Variants in NTN1 observed in about 807,000 individuals in gnomAD.
The protein encoded by NTN1 is netrin-1.
Under a neutral mutation model 54.2 loss-of-function variants are expected in NTN1, and 11 were observed. The ratio of observed to expected loss-of-function variants is 0.20; its 90% confidence interval spans 0.13 to 0.34. NTN1 has a LOEUF of 0.34. Ranked by LOEUF, NTN1 falls within the 10% of genes least tolerant of loss-of-function variation. The pLI, the probability that NTN1 is intolerant of heterozygous loss-of-function variation, is 1.00. For synonymous variants in NTN1, 371 were observed against 382.0 expected (o/e 0.97, Z 0.33); for missense variants, 740 against 893.1 (o/e 0.83, Z 2.18).
rs1175654021 is a variant in NTN1 at position 9,180,022 on chromosome 17, G to T, written c.1357+66G>T. The T allele has an allele frequency of 1.5e-5, 23 of 1,533,210 alleles. No homozygotes were observed. The Admixed American group carries it at 4.2e-4, about 28-fold the overall frequency. The allele number at this position is 1,533,210 out of a possible 1,614,324, so 95.0% of individuals were successfully genotyped here. A position where few individuals can be genotyped will look rare whatever the true frequency, so the allele number is the denominator to read the frequency against. On this transcript the variant is annotated intron_variant, in intron 4 of 6. Transcript: ENST00000173229. ...TGGGGGACAGTGAGCTTTTGAGGAT[G>T]CTAGTCACTGATGTTCAGTGGGTTC...
chr17:9,165,131 G>A lies in NTN1; in HGVS notation c.1207+2130G>A, dbSNP rs9899630. Among the ~76,000 whole-genome samples, 32,917 of 152,148 alleles carry A rather than the reference G, an allele frequency of 0.22. 3,817 individuals carry two copies. Among genetic ancestry groups the A allele is most frequent in the East Asian group, 0.34 (1,752 of 5,162 alleles). ...CACTCAGGTGGGCAGTCCTGTGCCT[G>A]AGAGTGAGAAGGTCTGGGTGAGAAA... On this transcript the variant is annotated intron_variant, in intron 3 of 6. Coordinates refer to ENST00000173229, the MANE Select transcript of NTN1 (RefSeq NM_004822.3). The surrounding 1 kb of genome is among the most constrained non-coding windows in gnomAD (Gnocchi z 4.5).
chr17:9,012,380 G>A, the NTN1 span, among the ~76,000 whole-genome samples: 4 of 152,026 alleles, frequency 2.6e-5, no homozygotes, highest in African/African-American at 4.8e-5. Flanking sequence ...GCGTGGTGGC[G>A]GATGCCTGTA....
intron 6 of NTN1, among the ~76,000 whole-genome samples, chr17:9,227,388 C>CACTT (rs10624631): frequency 0.8 from 119,629 of 150,000 alleles, 47,723 homozygotes; most frequent in African/African-American, 0.85. Flanking sequence ...ACACCACACA[C>CACTT]TATCACACAG....
At chr17:9,125,985 C>T (rs769970054) in intron 2 of NTN1, among the ~76,000 whole-genome samples, 1 of 152,234 alleles carries the variant, frequency 6.6e-6, no homozygotes, top group Non-Finnish European at 1.5e-5. Flanking sequence ...GCCTGAGGGA[C>T]TTGTCAAAGG....
intron 3 of NTN1, chr17:9,175,078 C>T (rs1195927951): frequency 2.0e-5 from 3 of 152,256 alleles, no homozygotes; most frequent in African/African-American, 7.2e-5. Context: ...GGATAGGAGC[C>T]CAGGACAGAC....
chr17:9,163,976 A>G (rs939212403), intron 3 of NTN1, among the ~76,000 whole-genome samples: 2 of 152,236 alleles, frequency 1.3e-5, no homozygotes, highest in Non-Finnish European at 2.9e-5. Flanking sequence ...ACCCGAACAC[A>G]CCAGGGTCCC....
chr17:9,065,050 C>T (rs2092010678), intron 2 of NTN1, among the ~76,000 whole-genome samples: 1 of 152,218 alleles, frequency 6.6e-6, no homozygotes, highest in South Asian at 2.1e-4. Context: ...AATTCTCCTG[C>T]CTCAGCCTCC....
chr17:9,104,949 C>T (rs568082021), intron 2 of NTN1, among the ~76,000 whole-genome samples: 5 of 152,296 alleles, frequency 3.3e-5, no homozygotes, highest in African/African-American at 1.2e-4. Flanking sequence ...TGTACCAGGC[C>T]GAGGCCCCTG....
chr17:9,155,216 C>T (rs1013888343), intron 2 of NTN1, among the ~76,000 whole-genome samples: 2 of 152,208 alleles, frequency 1.3e-5, no homozygotes, highest in African/African-American at 2.4e-5. Context: ...CCAGGAAGGA[C>T]CCTGGGACAG....
intron 3 of NTN1, among the ~76,000 whole-genome samples, chr17:9,164,230 G>C (rs1373128742): frequency 1.3e-5 from 2 of 152,230 alleles, no homozygotes; most frequent in African/African-American, 4.8e-5. Context: ...TTCAAGACCA[G>C]CCTGCCTAAC....
chr17:9,209,367 T>C (rs1306082687), intron 5 of NTN1, among the ~76,000 whole-genome samples: 4 of 152,142 alleles, frequency 2.6e-5, no homozygotes, highest in African/African-American at 4.8e-5. Context: ...ATTGGAGACA[T>C]TAGGGTTTGC....
rs1597556574 is a variant in NTN1, at chr17:9,239,442, G to A, written c.1487-198G>A. Among the ~76,000 whole-genome samples the A allele has an allele frequency of 6.6e-6, 1 of 152,186 alleles. No individual in the cohort carries two copies. Among genetic ancestry groups the A allele is most frequent in the African/African-American group, 2.4e-5 (1 of 41,444 alleles). ...GCTGGGTGGCACCCTCACAGCGTGG[G>A]AGGCAAGGCTTCTTGGCCCTGTTGT... On this transcript the variant is annotated intron_variant, in intron 6 of 6. Transcript: ENST00000173229. This position sits in a 1 kb window ranked among gnomAD's most constrained non-coding sequence, Gnocchi z 5.2.
At chr17:9,120,002 C>T (rs1045832838) in intron 2 of NTN1, among the ~76,000 whole-genome samples, 5 of 152,030 alleles carry the variant, frequency 3.3e-5, no homozygotes, top group South Asian at 2.1e-4. Flanking sequence ...CTTATCTGGC[C>T]GGGCGTGGTG....
intron 2 of NTN1, among the ~76,000 whole-genome samples, chr17:9,072,822 C>T (rs1255073685): frequency 2.0e-5 from 3 of 152,210 alleles, no homozygotes; most frequent in South Asian, 2.1e-4. Flanking sequence ...ACGGAGGCCC[C>T]GTTTCTGGCA....
chr17:9,130,308 T>C (rs1175181540), intron 2 of NTN1, among the ~76,000 whole-genome samples: 2 of 152,074 alleles, frequency 1.3e-5, no homozygotes, highest in African/African-American at 4.8e-5. Flanking sequence ...CGCTGTCAGG[T>C]GGAAATCATC....
At chr17:9,026,668 T>C (rs953430809) in intron 2 of NTN1, among the ~76,000 whole-genome samples, 5 of 151,992 alleles carry the variant, frequency 3.3e-5, no homozygotes, top group Admixed American at 6.6e-5. Flanking sequence ...CCCTTCCCTT[T>C]TTTCAAAAGA....
chr17:9,113,924 A>G (rs2092200700), intron 2 of NTN1, among the ~76,000 whole-genome samples: 1 of 151,752 alleles, frequency 6.6e-6, no homozygotes, highest in Admixed American at 6.6e-5. Context: ...GCATTTTGGG[A>G]GGCCGAGGTG....
chr17:9,110,271 CT>C (rs11386128), intron 2 of NTN1, among the ~76,000 whole-genome samples: 2 of 147,200 alleles, frequency 1.4e-5, no homozygotes, highest in African/African-American at 5.0e-5. Context: ...CCTCCTGCCT[CT>C]TTTTTTTTTC....
At chr17:9,032,616 C>T (rs1179870858) in intron 2 of NTN1, among the ~76,000 whole-genome samples, 1 of 152,234 alleles carries the variant, frequency 6.6e-6, no homozygotes, top group African/African-American at 2.4e-5. Flanking sequence ...AGAATAGTTC[C>T]AATCCCAGCA....
Sources: gnomAD v4.1 joint callset for allele counts (sites outside exome capture counted in the v4.1 genomes callset) on GRCh38, gnomAD v4.1.1 for gene constraint, Gnocchi (gnomAD v3.1) non-coding constraint, MANE v1.5 for transcripts, NCBI Gene and HGNC (gene_info 2026-07-23, HGNC 2026-07-21) for gene names.